Variants in BRCA1 observed in about 807,000 individuals in gnomAD.
BRCA1 encodes BRCA1 DNA repair associated, also known as breast cancer type 1 susceptibility protein.
BRCA1 carries 140 observed loss-of-function variants against 173.7 expected under a neutral mutation model. That is an observed-to-expected ratio of 0.81 (90% CI 0.70 to 0.93). The LOEUF (loss-of-function observed/expected upper bound fraction) is 0.93. Ranked by LOEUF, BRCA1 falls within the 40% of genes least tolerant of loss-of-function variation. BRCA1 has a pLI of 0.00. For missense variants in BRCA1, 1,983 were observed against 2,172.5 expected, an observed-to-expected ratio of 0.91 and a Z score of 1.73; for synonymous variants, 662 against 756.0, an observed-to-expected ratio of 0.88 and a Z score of 2.04.
In BRCA1 at chr17:43,119,770, TATC is replaced by T. The variant is rs563979083; in HGVS notation, c.81-3994_81-3992del. Among the ~76,000 whole-genome samples, 31 of 152,364 alleles carry T rather than the reference TATC, an allele frequency of 2.0e-4. No individual in the cohort carries two copies. The South Asian group carries it at 5.8e-3, about 28-fold the overall frequency. ...CCGTAAAAGAAAAATTGGATTCAGT[TATC>T]ATACCAGATGGCTTTCATTCTCACC... On this transcript the variant is annotated intron_variant, in intron 2 of 22. Transcript: ENST00000357654.
chr17:43,144,899 G>A, intron 1 of BRCA1: 1 of 547,906 alleles, frequency 1.8e-6, no homozygotes, highest in East Asian at 4.8e-5. Flanking sequence ...GCTTCGCGAA[G>A]GCTGTAGGCA....
chr17:43,157,789 G>A (rs1380278647), intron 1 of BRCA1, among the ~76,000 whole-genome samples: 1 of 152,070 alleles, frequency 6.6e-6, no homozygotes, highest in African/African-American at 2.4e-5. Flanking sequence ...CTGAGGCTGG[G>A]AGTTTGAGAC....
Position 43,045,229 on chromosome 17 carries a change from C to T in BRCA1, c.*449G>A. On this transcript the variant is annotated 3_prime_UTR_variant, in exon 23 of 23. Transcript: ENST00000357654. ...TCACATAATCGATCCCAAGCACTCT[C>T]CTTCCATTGAAGGGTCTGACTCTCT... 1.9e-6 allele frequency: 1 copy of T among 539,718 alleles called. No individual in the cohort carries two copies. The allele number at this position is 539,718 out of a possible 1,614,324, so 33.4% of individuals were successfully genotyped here.
chr17:43,111,050 G>C (rs1009842106), intron 3 of BRCA1, among the ~76,000 whole-genome samples: 1 of 148,966 alleles, frequency 6.7e-6, no homozygotes, highest in East Asian at 2.0e-4. Flanking sequence ...GCAGTGAGCC[G>C]AGATTGTACC....
chr17:43,141,091 C>T (rs1349947844), intron 1 of BRCA1, among the ~76,000 whole-genome samples: 1 of 152,104 alleles, frequency 6.6e-6, no homozygotes, highest in African/African-American at 2.4e-5. Flanking sequence ...AGAGGCAGCC[C>T]TAGGCAGTCA....
chr17:43,051,177 A>G, intron 19 of BRCA1, 60 bp from the exon 20 acceptor site: 1 of 1,477,888 alleles, frequency 6.8e-7, no homozygotes, highest in South Asian at 1.1e-5. Context: ...ATCTAGTTAT[A>G]AAAGAATATT....
At chr17:43,138,768 T>G in intron 1 of BRCA1, 1 of 778,964 alleles carries the variant, frequency 1.3e-6, no homozygotes, top group South Asian at 1.3e-5. Flanking sequence ...AGTCATCCTT[T>G]CCTCCCCTGT....
intron 19 of BRCA1, 25 bp from the exon 20 acceptor site, chr17:43,051,142 G>A (rs2051219503): frequency 6.2e-7 from 1 of 1,603,600 alleles, no homozygotes; most frequent in Non-Finnish European, 8.5e-7. Context: ...GAAGAGAGAG[G>A]GACAGGGGAA....
intron 18 of BRCA1, among the ~76,000 whole-genome samples, chr17:43,060,554 C>T (rs1193192811): frequency 6.6e-6 from 1 of 151,932 alleles, no homozygotes; most frequent in East Asian, 1.9e-4. Context: ...TGCAGTGATG[C>T]GATCTTGGCT....
upstream of BRCA1, among the ~76,000 whole-genome samples, chr17:43,127,138 C>T (rs1269095155): frequency 6.6e-5 from 10 of 152,222 alleles, no homozygotes; most frequent in Non-Finnish European, 1.2e-4. Context: ...CTGAGCCTCC[C>T]CGACGGGCAC....
At chr17:43,134,814 T>TTA (rs1404589762) in intron 1 of BRCA1, among the ~76,000 whole-genome samples, 4 of 152,120 alleles carry the variant, frequency 2.6e-5, no homozygotes, top group African/African-American at 9.7e-5. Flanking sequence ...ATAGCTGGTT[T>TTA]TATATTTGAA....
chr17:43,091,503 T>A lies in BRCA1; in HGVS notation c.4028A>T (p.Asp1343Val), dbSNP rs775339017. 2 of 1,613,670 alleles carry A rather than the reference T, an allele frequency of 1.2e-6. No homozygotes were observed. The highest frequency in any genetic ancestry group is 3.3e-5 in the Admixed American group (2 of 59,966). The change falls in exon 10 of 23, where the codon GAT (aspartate) becomes GTT (valine). Residue 1343 changes from aspartate (D) to valine (V), a missense_variant. Asp to Val is a radical substitution (Grantham distance 152). Transcript: ENST00000357654. ...CAAGCCCGTTCCTCTTTCTTCATCA[T>A]CTGAAACCAATTCCTTGTCACTCAG... is the stretch of plus-strand genomic sequence containing the variant. ...VGLSDKELVS[D>V]DEERGTGLEE...
intron 1 of BRCA1, among the ~76,000 whole-genome samples, chr17:43,142,137 C>T (rs2056080054): frequency 6.6e-6 from 1 of 152,174 alleles, no homozygotes; most frequent in African/African-American, 2.4e-5. Context: ...TGGTCTTGAA[C>T]TCCTGACCTC....
intron 1 of BRCA1, among the ~76,000 whole-genome samples, chr17:43,130,657 T>G (rs1282013546): frequency 6.6e-6 from 1 of 152,192 alleles, no homozygotes; most frequent in African/African-American, 2.4e-5. Flanking sequence ...TTGAAAGAAC[T>G]TGCATATTCA....
rs4986849 is a variant in BRCA1 at position 43,082,433 on chromosome 17, C to T, written c.4328G>A (p.Arg1443Gln). The T allele has an allele frequency of 4.3e-6, 7 of 1,614,112 alleles. No individual in the cohort carries two copies. Among genetic ancestry groups the T allele is most frequent in the African/African-American group, 4.0e-5 (3 of 75,046 alleles). ...TTCTGATGTGCTTTGTTCTGGATTT[C>T]GCAGGTCCTCAAGGGCAGAAGAGTC... Reference protein sequence around the residue: ...ISDSSALEDLRNPEQSTSEKA... With the variant: ...ISDSSALEDLQNPEQSTSEKA... The change falls in exon 12 of 23, where the codon CGA (arginine) becomes CAA (glutamine). Residue 1443 changes from arginine (R) to glutamine (Q), a missense_variant. Coordinates refer to ENST00000357654, the MANE Select transcript of BRCA1 (RefSeq NM_007294.4).
At position 43,045,031 on chromosome 17, in the gene BRCA1, T is replaced by G; in HGVS notation, c.*647A>C. The G allele has an allele frequency of 2.0e-6, 1 of 505,640 alleles. No homozygotes were observed. The highest frequency in any genetic ancestry group is 3.9e-6 in the Non-Finnish European group (1 of 258,184). The allele number at this position is 505,640 out of a possible 1,614,324, so 31.3% of individuals were successfully genotyped here. ...GTTGGCCAGGCTGGTTTCGAACTCCTGACCTCCAGTGATCTGCCCACCTTG... is the reference window on the plus strand; with the variant it reads ...GTTGGCCAGGCTGGTTTCGAACTCCGGACCTCCAGTGATCTGCCCACCTTG... On this transcript the variant is annotated 3_prime_UTR_variant, in exon 23 of 23. Transcript: ENST00000357654.
rs777262055 is a variant in BRCA1, at chr17:43,124,112, T to C, written c.-16A>G. The C allele has an allele frequency of 2.1e-5, 33 of 1,595,374 alleles. No homozygotes were observed. Among genetic ancestry groups the C allele is most frequent in the African/African-American group, 1.1e-4 (8 of 74,478 alleles). On this transcript the variant is annotated 5_prime_UTR_variant, in exon 2 of 23. Coordinates refer to ENST00000357654, the MANE Select transcript of BRCA1 (RefSeq NM_007294.4). ...ATAAATCCATTTCTTTCTGTTCCAA[T>C]GAACTTTAACACATTAGAAAAACAT...
intron 1 of BRCA1, among the ~76,000 whole-genome samples, chr17:43,158,055 A>T (rs2056209317): frequency 6.6e-6 from 1 of 152,198 alleles, no homozygotes; most frequent in Admixed American, 6.5e-5. Flanking sequence ...ATGAAAAGCT[A>T]GAAAACATAC....
chr17:43,142,980 G>A (rs1174275543), intron 1 of BRCA1, among the ~76,000 whole-genome samples: 44 of 144,126 alleles, frequency 3.1e-4, no homozygotes, highest in South Asian at 4.5e-4. Context: ...ATATATGTGT[G>A]TATATATATA....
Sources: allele counts gnomAD v4.1 joint callset (sites outside exome capture counted in the v4.1 genomes callset), GRCh38; gene constraint gnomAD v4.1.1; transcripts MANE v1.5; gene names NCBI Gene and HGNC (gene_info 2026-07-23, HGNC 2026-07-21).